Variants in PDE4B observed in about 807,000 individuals in gnomAD.
PDE4B encodes phosphodiesterase 4B, also known as 3',5'-cyclic-AMP phosphodiesterase 4B.
PDE4B carries 20 observed loss-of-function variants against 82.2 expected under a neutral mutation model. That is an observed-to-expected ratio of 0.24 (90% CI 0.17 to 0.35). The LOEUF is 0.35. PDE4B is among the 10% of genes least tolerant of loss of function. The pLI is 1.00. For synonymous variants in PDE4B, 320 were observed against 318.9 expected (o/e 1.00, Z -0.04); for missense variants, 655 against 907.2 (o/e 0.72, Z 3.57).
At chr1:66,229,203 G>T (rs2101627224) in intron 3 of PDE4B, among the ~76,000 whole-genome samples, 1 of 151,104 alleles carries the variant, frequency 6.6e-6, no homozygotes, top group East Asian at 1.9e-4. Flanking sequence ...CAGAGATGGG[G>T]TTTCACCGTG....
chr1:66,319,985 C>T (rs1659287883), intron 7 of PDE4B, among the ~76,000 whole-genome samples: 1 of 152,156 alleles, frequency 6.6e-6, no homozygotes, highest in Admixed American at 6.5e-5. Flanking sequence ...CCTACTCAAC[C>T]CACTTACTCA....
intron 3 of PDE4B, among the ~76,000 whole-genome samples, chr1:66,219,245 A>G (rs1174074972): frequency 6.6e-6 from 1 of 152,182 alleles, no homozygotes; most frequent in Non-Finnish European, 1.5e-5. Flanking sequence ...CAGTATAGGT[A>G]GACATGTAAT....
chr1:65,999,080 G>A (rs936736384), intron 3 of PDE4B, among the ~76,000 whole-genome samples: 2 of 152,176 alleles, frequency 1.3e-5, no homozygotes, highest in South Asian at 2.1e-4. Context: ...GCTTTGCAAA[G>A]TAATGGTGAC....
chr1:65,882,833 T>C (rs1276062950), intron 1 of PDE4B, among the ~76,000 whole-genome samples: 6 of 152,148 alleles, frequency 3.9e-5, no homozygotes, highest in Non-Finnish European at 8.8e-5. Flanking sequence ...AATTTAATAA[T>C]TCAACAGATA....
chr1:66,302,883 G>A (rs1392664252), intron 7 of PDE4B, among the ~76,000 whole-genome samples: 1 of 152,072 alleles, frequency 6.6e-6, no homozygotes, highest in South Asian at 2.1e-4. Flanking sequence ...TCTTCTTGAG[G>A]TTTCCCTCCC....
Position 66,199,537 on chromosome 1 carries a change from G to A in PDE4B, c.282-47923G>A, listed in dbSNP as rs182714600. ...TATTAGCCCTTTGTCAGATGAATAG[G>A]TTGCAAAAATTTTCTCCCATTTTGT... On this transcript the variant is annotated intron_variant, in intron 3 of 16. Coordinates refer to ENST00000341517, the MANE Select transcript of PDE4B (RefSeq NM_002600.4). Among the ~76,000 whole-genome samples, 7 of 151,972 alleles carry A rather than the reference G, an allele frequency of 4.6e-5. No individual in the cohort carries two copies. In the East Asian group the frequency reaches 1.4e-3, roughly 29 times the overall value.
chr1:66,258,030 T>C (rs1402480740), intron 6 of PDE4B, among the ~76,000 whole-genome samples, 167 bp downstream of exon 6: 1 of 152,184 alleles, frequency 6.6e-6, no homozygotes, highest in African/African-American at 2.4e-5. Context: ...ATTTTAGAAC[T>C]CATACAACAC....
intron 1 of PDE4B, among the ~76,000 whole-genome samples, chr1:65,908,717 G>T (rs942705143): frequency 1.3e-5 from 2 of 152,064 alleles, no homozygotes; most frequent in Non-Finnish European, 2.9e-5. Context: ...GTGTGCCAGT[G>T]GGGGTGGAAC....
At chr1:66,026,544 A>G (rs539449070) in intron 3 of PDE4B, among the ~76,000 whole-genome samples, 26 of 152,348 alleles carry the variant, frequency 1.7e-4, no homozygotes, top group African/African-American at 6.3e-4. Context: ...GATTTGTAAA[A>G]TGAGGTAATA....
At chr1:65,812,903 AG>A (rs1266711838) in intron 1 of PDE4B, among the ~76,000 whole-genome samples, 1 of 152,224 alleles carries the variant, frequency 6.6e-6, no homozygotes, top group Non-Finnish European at 1.5e-5. Context: ...CTGCTTTCTA[AG>A]GGTCCTAGAC....
intron 3 of PDE4B, among the ~76,000 whole-genome samples, chr1:65,932,818 G>A (rs1394917864): frequency 6.6e-6 from 1 of 152,080 alleles, no homozygotes; most frequent in Non-Finnish European, 1.5e-5. Context: ...CTAAAGCAGT[G>A]TGACAGCAGA....
intron 1 of PDE4B, among the ~76,000 whole-genome samples, chr1:65,904,583 A>ATACT (rs1647007539): frequency 6.6e-6 from 1 of 152,022 alleles, no homozygotes; most frequent in Non-Finnish European, 1.5e-5. Context: ...TTGTTCTGAA[A>ATACT]TACTACTTTT....
chr1:66,256,023 A>G (rs373037190), intron 4 of PDE4B, among the ~76,000 whole-genome samples: 1 of 152,140 alleles, frequency 6.6e-6, no homozygotes, highest in East Asian at 1.9e-4. Flanking sequence ...AAATAAATAA[A>G]TAAAATAGCT....
intron 1 of PDE4B, among the ~76,000 whole-genome samples, chr1:65,842,782 C>T (rs181666502): frequency 1.3e-5 from 2 of 152,142 alleles, no homozygotes; most frequent in East Asian, 3.9e-4. Flanking sequence ...CATATACATG[C>T]GTGTGTATTT....
chr1:66,319,050 G>A (rs533738884), intron 7 of PDE4B, among the ~76,000 whole-genome samples: 7 of 152,294 alleles, frequency 4.6e-5, no homozygotes, highest in Middle Eastern at 3.4e-3. Context: ...ATGTCAACTG[G>A]TAAAGACTGT....
At chr1:66,137,365 A>G (rs1224065604) in intron 3 of PDE4B, among the ~76,000 whole-genome samples, 2 of 152,158 alleles carry the variant, frequency 1.3e-5, no homozygotes, top group Non-Finnish European at 2.9e-5. Flanking sequence ...GTGTGACATA[A>G]GCATGCATTT....
At chr1:66,107,386 G>T (rs534875424) in intron 3 of PDE4B, among the ~76,000 whole-genome samples, 1 of 151,962 alleles carries the variant, frequency 6.6e-6, no homozygotes, top group Non-Finnish European at 1.5e-5. Context: ...AACTTGGGTT[G>T]TTGATGTCAA....
intron 3 of PDE4B, among the ~76,000 whole-genome samples, chr1:66,198,767 C>T (rs570737069): frequency 6.6e-6 from 1 of 151,976 alleles, no homozygotes; most frequent in Non-Finnish European, 1.5e-5. Context: ...CCCTTCCCCC[C>T]ACCCCACAAC....
intron 7 of PDE4B, among the ~76,000 whole-genome samples, chr1:66,294,623 A>G (rs536875050): frequency 7.9e-5 from 12 of 152,334 alleles, no homozygotes; most frequent in African/African-American, 2.6e-4. Flanking sequence ...GAAATAAGCA[A>G]TAAATCTTAA....
Sources: allele counts gnomAD v4.1 joint callset (sites outside exome capture counted in the v4.1 genomes callset), GRCh38; gene constraint gnomAD v4.1.1; transcripts MANE v1.5; gene names NCBI Gene and HGNC (gene_info 2026-07-23, HGNC 2026-07-21).